Variants in CREBRF observed in about 807,000 individuals in gnomAD.
CREBRF encodes the protein CREB3 regulatory factor.
A neutral mutation model predicts 66.1 loss-of-function variants in CREBRF; 5 were observed. The ratio of observed to expected loss-of-function variants is 0.08; its 90% CI spans 0.04 to 0.16. CREBRF has a LOEUF of 0.16. CREBRF is among the 10% of genes least tolerant of loss of function. The pLI, the probability that CREBRF is intolerant of heterozygous loss-of-function variation, is 1.00. For synonymous variants in CREBRF, 229 were observed against 264.4 expected, an observed-to-expected ratio of 0.87 and a Z score of 1.30; for missense variants, 531 against 744.9, an observed-to-expected ratio of 0.71 and a Z score of 3.34.
At chr5:173,056,690 C>T (rs941376976) in intron 1 of CREBRF, among the ~76,000 whole-genome samples, 1 of 151,970 alleles carries the variant, frequency 6.6e-6, no homozygotes, top group African/African-American at 2.4e-5. Flanking sequence ...GCTCCCCTCC[C>T]CCACCCCCGG....
intron 7 of CREBRF, among the ~76,000 whole-genome samples, chr5:173,120,484 A>G (rs1759113381): frequency 6.6e-6 from 1 of 151,238 alleles, no homozygotes; most frequent in Non-Finnish European, 1.5e-5. Context: ...GGTTCAAGCA[A>G]TTCTCATGCC....
chr5:173,068,500 A>C (rs540973724), intron 1 of CREBRF, among the ~76,000 whole-genome samples: 1 of 152,316 alleles, frequency 6.6e-6, no homozygotes, highest in African/African-American at 2.4e-5. Flanking sequence ...AAAGTGATAA[A>C]TTATATGTAA....
chr5:173,068,794 C>T (rs949727224), intron 1 of CREBRF, among the ~76,000 whole-genome samples: 6 of 151,842 alleles, frequency 4.0e-5, no homozygotes, highest in Non-Finnish European at 7.4e-5. Context: ...GTGGGCCAGG[C>T]GCGGTGGCTC....
chr5:173,068,254 T>C, intron 1 of CREBRF: 1 of 325,866 alleles, frequency 3.1e-6, no homozygotes. Flanking sequence ...CTTCTCCTTC[T>C]CTGATAGCTG....
intron 1 of CREBRF, among the ~76,000 whole-genome samples, chr5:173,065,692 G>T (rs1488524537): frequency 7.0e-6 from 1 of 142,098 alleles, no homozygotes; most frequent in Non-Finnish European, 1.5e-5. Context: ...TTAAAGACAG[G>T]ATGGTGCAGT....
chr5:173,102,767 AC>A (rs1032464422), intron 4 of CREBRF, among the ~76,000 whole-genome samples: 1 of 151,490 alleles, frequency 6.6e-6, no homozygotes, highest in Non-Finnish European at 1.5e-5. Context: ...GGAGTCCAGG[AC>A]TCCAGGGATG....
At chr5:173,107,048 C>T (rs1758767094) in intron 4 of CREBRF, among the ~76,000 whole-genome samples, 1 of 152,186 alleles carries the variant, frequency 6.6e-6, no homozygotes, top group Non-Finnish European at 1.5e-5. Context: ...CCGCACCCGG[C>T]CCCTTATATT....
intron 3 of CREBRF, 121 bp downstream of exon 3, chr5:173,086,747 A>T: frequency 2.9e-6 from 2 of 681,336 alleles, no homozygotes. Flanking sequence ...GATTCTTATG[A>T]TTATACCTAG....
At chr5:173,088,791 CA>C (rs1275062958) in intron 3 of CREBRF, among the ~76,000 whole-genome samples, 1 of 152,030 alleles carries the variant, frequency 6.6e-6, no homozygotes, top group Non-Finnish European at 1.5e-5. Flanking sequence ...ACTGAGTGCT[CA>C]AATGCATAAA....
intron 4 of CREBRF, among the ~76,000 whole-genome samples, chr5:173,105,516 G>T (rs554104304): frequency 3.3e-5 from 5 of 151,956 alleles, no homozygotes; most frequent in Middle Eastern, 3.2e-3. Context: ...TGTTGCCCAG[G>T]TTGGAGTGCA....
chr5:173,087,781 A>C (rs1351296429), intron 3 of CREBRF, among the ~76,000 whole-genome samples: 1 of 152,006 alleles, frequency 6.6e-6, no homozygotes, highest in Non-Finnish European at 1.5e-5. Context: ...CCTGAATTTT[A>C]ATTTTTAATC....
At chr5:173,082,238 C>T (rs1378335004) in intron 2 of CREBRF, among the ~76,000 whole-genome samples, 2 of 151,930 alleles carry the variant, frequency 1.3e-5, no homozygotes, top group African/African-American at 4.8e-5. Flanking sequence ...TGGTCCCGAT[C>T]TCCTGACCTC....
intron 1 of CREBRF, among the ~76,000 whole-genome samples, chr5:173,059,569 A>G (rs1357997284): frequency 2.6e-5 from 4 of 152,120 alleles, no homozygotes; most frequent in Non-Finnish European, 4.4e-5. Context: ...TGGCCTATCA[A>G]TTCTTATTTT....
At chr5:173,125,736 C>T (rs958064861) in intron 8 of CREBRF, among the ~76,000 whole-genome samples, 2 of 152,130 alleles carry the variant, frequency 1.3e-5, no homozygotes, top group Non-Finnish European at 1.5e-5. Context: ...TGGTGGCACG[C>T]GCCGGTAGTC....
intron 1 of CREBRF, among the ~76,000 whole-genome samples, chr5:173,058,686 C>T (rs1441192592): frequency 6.6e-6 from 1 of 151,202 alleles, no homozygotes; most frequent in Admixed American, 6.6e-5. Context: ...GGGGTTTCAC[C>T]ATGTTAGCCA....
At chr5:173,102,678 G>A (rs1397361848) in intron 4 of CREBRF, among the ~76,000 whole-genome samples, 1 of 152,090 alleles carries the variant, frequency 6.6e-6, no homozygotes, top group Non-Finnish European at 1.5e-5. Context: ...AGTGGACTTG[G>A]TCCTGACTCC....
intron 1 of CREBRF, among the ~76,000 whole-genome samples, chr5:173,060,948 G>C (rs1406066667): frequency 6.6e-6 from 1 of 152,118 alleles, no homozygotes; most frequent in African/African-American, 2.4e-5. Flanking sequence ...CCTGTTGTAA[G>C]ACATCAGTCA....
At chr5:173,112,543 C>T (rs1276991259) in intron 7 of CREBRF, among the ~76,000 whole-genome samples, 164 bp downstream of exon 7, 2 of 152,210 alleles carry the variant, frequency 1.3e-5, no homozygotes, top group Non-Finnish European at 2.9e-5. Context: ...TTCCTTCAGT[C>T]TTGTCCACCT....
chr5:173,120,558 T>G (rs1759114905), intron 7 of CREBRF, among the ~76,000 whole-genome samples: 1 of 151,528 alleles, frequency 6.6e-6, no homozygotes. Flanking sequence ...TATTTTTATT[T>G]TTAGTATAGA....
Sources: allele counts gnomAD v4.1 joint callset (sites outside exome capture counted in the v4.1 genomes callset), GRCh38; gene constraint gnomAD v4.1.1; transcripts MANE v1.5; gene names NCBI Gene and HGNC (gene_info 2026-07-23, HGNC 2026-07-21).